Variants in MYOF observed in about 807,000 individuals in gnomAD.
MYOF encodes the protein myoferlin.
MYOF carries 244 observed loss-of-function variants against 284.2 expected under a neutral mutation model. That is an observed-to-expected ratio of 0.86 (90% CI 0.77 to 0.95). The LOEUF is 0.95. Ranked by LOEUF, MYOF falls within the 40% of genes least tolerant of loss-of-function variation. The pLI, the probability that MYOF is intolerant of heterozygous loss-of-function variation, is 0.00. For synonymous variants in MYOF, 904 were observed against 919.7 expected, an observed-to-expected ratio of 0.98 and a Z score of 0.31; for missense variants, 2,496 against 2,560.6, an observed-to-expected ratio of 0.97 and a Z score of 0.54.
At chr10:93,364,274 C>A in intron 26 of MYOF, among the ~76,000 whole-genome samples, 199 bp from the exon 27 acceptor site, 1 of 152,234 alleles carries the variant, frequency 6.6e-6, no homozygotes, top group East Asian at 1.9e-4. Flanking sequence ...CCTGCTGGAA[C>A]AATGTGACCT....
intron 3 of MYOF, among the ~76,000 whole-genome samples, chr10:93,447,792 TG>T (rs1020461363): frequency 6.6e-6 from 1 of 152,086 alleles, no homozygotes; most frequent in Admixed American, 6.5e-5. Flanking sequence ...AGCCTGACGG[TG>T]GGGGGCTGAC....
intron 12 of MYOF, 149 bp downstream of exon 12, chr10:93,401,269 G>T: frequency 8.7e-7 from 1 of 1,153,518 alleles, no homozygotes; most frequent in East Asian, 2.6e-5. Flanking sequence ...GCTTTCAACT[G>T]GGCCAGAATG....
Position 93,337,846 on chromosome 10 carries a change from T to C in MYOF, c.4406A>G (p.Gln1469Arg), listed in dbSNP as rs1843688633. ...ASSGEHEKCG[Q>R]YIQKGYSKLK... is the part of the protein sequence containing the mutation. The stretch of plus-strand genomic sequence containing the variant: ...CTTGGAATAGCCTTTCTGAATATAC[T>C]GTCCGCATTTTTCATGTTCCCCTGA... Residue 1469 changes from glutamine (Q) to arginine (R), a missense_variant, in exon 40 of 54, where the codon CAG becomes CGG. This residue lies in a region of MYOF where 2,436 missense variants were observed against 2,480.7 expected (regional missense o/e 0.98). Coordinates refer to ENST00000359263, the MANE Select transcript of MYOF (RefSeq NM_013451.4). 1.2e-6 allele frequency: 2 copies of C among 1,614,168 alleles called. No homozygotes were observed. The highest frequency in any genetic ancestry group is 1.3e-5 in the African/African-American group (1 of 75,050).
At chr10:93,344,729 A>T (rs1330069126) in intron 37 of MYOF, among the ~76,000 whole-genome samples, 4 of 59,170 alleles carry the variant, frequency 6.8e-5, no homozygotes, top group South Asian at 9.0e-4. Context: ...CTTAAATTAA[A>T]AAAAAAAAAA....
chr10:93,456,547 C>A (rs893353754), intron 2 of MYOF, among the ~76,000 whole-genome samples: 1 of 152,158 alleles, frequency 6.6e-6, no homozygotes, highest in African/African-American at 2.4e-5. Flanking sequence ...TGGAGATGAT[C>A]TAATCCCACC....
chr10:93,370,220 A>G (rs929768621), intron 24 of MYOF, among the ~76,000 whole-genome samples: 21 of 152,240 alleles, frequency 1.4e-4, no homozygotes, highest in African/African-American at 4.6e-4. Flanking sequence ...TAAAGAAACA[A>G]AATTCCAGTT....
At chr10:93,383,005 C>T (rs1846198576) in intron 19 of MYOF, among the ~76,000 whole-genome samples, 1 of 152,160 alleles carries the variant, frequency 6.6e-6, no homozygotes, top group Non-Finnish European at 1.5e-5. Context: ...AAGTGATTCT[C>T]CTGCCTCAGC....
At chr10:93,331,675 T>C (rs1246032664) in intron 43 of MYOF, among the ~76,000 whole-genome samples, 7 of 107,882 alleles carry the variant, frequency 6.5e-5, no homozygotes, top group Non-Finnish European at 1.3e-4. Context: ...CCCGGGTGCA[T>C]GGCCTTGGGT....
Position 93,472,782 on chromosome 10 carries a change from A to G in MYOF, c.88+9325T>C, listed in dbSNP as rs188449673. 3.8e-3 allele frequency among the ~76,000 whole-genome samples: 573 copies of G among 152,382 alleles called. 1 individual carries two copies. Among genetic ancestry groups the G allele is most frequent in the Middle Eastern group, 0.014 (4 of 294 alleles). ...GCCTTCAAGCTGTTTGTGCAGCCAC[A>G]GCTGACCAGCATCCTGTTTATTCTG... On this transcript the variant is annotated intron_variant, in intron 1 of 53. Coordinates refer to ENST00000359263, the MANE Select transcript of MYOF (RefSeq NM_013451.4).
intron 41 of MYOF, 73 bp downstream of exon 41, chr10:93,335,848 G>C (rs1331996852): frequency 5.8e-6 from 9 of 1,542,234 alleles, no homozygotes; most frequent in Non-Finnish European, 7.9e-6. Flanking sequence ...CTAGAGCCTG[G>C]TTGTCCTTTA....
At chr10:93,388,027 C>T in intron 18 of MYOF, 114 bp from the exon 19 acceptor site, 3 of 774,146 alleles carry the variant, frequency 3.9e-6, no homozygotes, top group South Asian at 3.0e-5. Context: ...TGGCCCTAAC[C>T]TTCGAAATGA....
chr10:93,307,716 G>T (rs1007754815), intron 53 of MYOF, among the ~76,000 whole-genome samples: 1 of 149,398 alleles, frequency 6.7e-6, no homozygotes, highest in African/African-American at 2.5e-5. Context: ...CCTTTGCCTC[G>T]CAGGTTCAAG....
rs111930842 is a variant in MYOF, at chr10:93,470,561, C to T, written c.88+11546G>A. 2.3e-3 allele frequency among the ~76,000 whole-genome samples: 352 copies of T among 152,128 alleles called. 2 individuals carry two copies. The highest frequency in any genetic ancestry group is 8.3e-3 in the African/African-American group (343 of 41,526). On this transcript the variant is annotated intron_variant, in intron 1 of 53. Coordinates refer to ENST00000359263, the MANE Select transcript of MYOF (RefSeq NM_013451.4). ...GGACTACAGGTGCCCAACACCATGC[C>T]TGGCTAATTTTTGTATTTTTAGCAG...
At chr10:93,466,232 A>G (rs1057196383) in intron 1 of MYOF, among the ~76,000 whole-genome samples, 1 of 152,176 alleles carries the variant, frequency 6.6e-6, no homozygotes, top group African/African-American at 2.4e-5. Flanking sequence ...TGGCTGCCCT[A>G]TCGTTCCAGG....
intron 3 of MYOF, among the ~76,000 whole-genome samples, chr10:93,447,033 C>T (rs986578966): frequency 3.3e-5 from 5 of 152,148 alleles, no homozygotes; most frequent in Non-Finnish European, 7.4e-5. Flanking sequence ...GGTCTTTATA[C>T]TCAATAGGCA....
chr10:93,318,973 A>G (rs903007745), intron 49 of MYOF, among the ~76,000 whole-genome samples: 7 of 151,944 alleles, frequency 4.6e-5, no homozygotes, highest in African/African-American at 1.7e-4. Flanking sequence ...CCTTTTTTGG[A>G]ATGAAAGCAC....
chr10:93,475,501 C>T (rs2057239670), intron 1 of MYOF, among the ~76,000 whole-genome samples: 1 of 152,192 alleles, frequency 6.6e-6, no homozygotes, highest in African/African-American at 2.4e-5. Context: ...GCCTCATTCA[C>T]AAACACCTGA....
At chr10:93,337,997 G>T in intron 39 of MYOF, 84 bp from the exon 40 acceptor site, 1 of 972,970 alleles carries the variant, frequency 1.0e-6, no homozygotes, top group East Asian at 2.4e-5. Context: ...TAATAGTTAA[G>T]AAGAAATAGG....
intron 1 of MYOF, among the ~76,000 whole-genome samples, chr10:93,462,044 A>T (rs1246923366): frequency 6.6e-6 from 1 of 151,136 alleles, no homozygotes; most frequent in Non-Finnish European, 1.5e-5. Flanking sequence ...TGCTAATGGC[A>T]TTACCTCTAG....
Sources: gnomAD v4.1 joint callset for allele counts (sites outside exome capture counted in the v4.1 genomes callset) on GRCh38, gnomAD v4.1.1 for gene constraint, gnomAD v4.1.1 regional missense constraint, MANE v1.5 for transcripts, NCBI Gene and HGNC (gene_info 2026-07-23, HGNC 2026-07-21) for gene names.